The following TMEM106B variants were observed in gnomAD, a reference collection of about 807,000 sequenced individuals.
The protein encoded by TMEM106B is transmembrane protein 106B.
In TMEM106B, 15 loss-of-function variants were observed where a neutral mutation model predicts 31.1. The observed-to-expected ratio is 0.48, with a 90% CI of 0.32 to 0.74. TMEM106B has a LOEUF of 0.74. Among genes scored for constraint, TMEM106B ranks in the 30% least tolerant of loss-of-function variants. TMEM106B has a pLI of 0.03. For missense variants in TMEM106B, 283 were observed against 327.3 expected (o/e 0.86, Z 1.04); for synonymous variants, 126 against 112.5 (o/e 1.12, Z -0.76).
rs1000055928 is a variant in TMEM106B, at chr7:12,237,472, C to T, written c.*5497C>T. 6.6e-6 allele frequency: 1 copy of T among 152,034 alleles called. No homozygotes were observed. The highest frequency in any genetic ancestry group is 2.4e-5 in the African/African-American group (1 of 41,404). The allele number at this position is 152,034 out of a possible 1,614,324, so 9.4% of individuals were successfully genotyped here. The stretch of plus-strand genomic sequence containing the variant: ...TCTGTAATGTCTCTGGAATTTATCT[C>T]ATACGTGAAATTTCCCTTGATATTA... On this transcript the variant is annotated 3_prime_UTR_variant, in exon 8 of 8. Coordinates refer to ENST00000396668, the MANE Select transcript of TMEM106B (RefSeq NM_001134232.2).
intron 1 of TMEM106B, 114 bp from the exon 2 acceptor site, chr7:12,214,695 A>T: frequency 1.1e-6 from 1 of 923,302 alleles, no homozygotes; most frequent in Non-Finnish European, 1.6e-6. Context: ...CAAATATTTT[A>T]CAGAGTTTGA....
intron 3 of TMEM106B, among the ~76,000 whole-genome samples, chr7:12,221,357 G>C (rs1373326886): frequency 1.3e-5 from 2 of 152,034 alleles, no homozygotes; most frequent in Admixed American, 6.6e-5. Context: ...GCATTATTAG[G>C]AGTACCTTTG....
In TMEM106B at chr7:12,222,667, G is replaced by A. The variant is rs1241872861; in HGVS notation, c.282-1559G>A. Among the ~76,000 whole-genome samples the A allele has an allele frequency of 2.0e-5, 3 of 152,230 alleles. No homozygotes were observed. The East Asian group carries it at 5.8e-4, about 29-fold the overall frequency. ...ATTTCCTATTAGGTAATCCAGTGGG[G>A]ATCACTACCCCTACTCAGGTTGAGA... On this transcript the variant is annotated intron_variant, in intron 3 of 7. Transcript: ENST00000396668.
At position 12,229,802 on chromosome 7, in the gene TMEM106B, C is replaced by G. The variant is rs1781979525; in HGVS notation, c.565C>G (p.Pro189Ala). 1 of 1,603,464 alleles carries G rather than the reference C, an allele frequency of 6.2e-7. No homozygotes were observed. Among genetic ancestry groups the G allele is most frequent in the East Asian group, 2.2e-5 (1 of 44,752 alleles). Residue 189 changes from proline to alanine, a missense_variant, in exon 5 of 8, where the codon CCA becomes GCA. Physicochemically the swap from Pro to Ala is conservative, Grantham distance 27. Around this residue, in one of 3 missense-constraint regions of TMEM106B, gnomAD observed 201 missense variants for 211.5 expected, o/e 0.95. Transcript: ENST00000396668. ...ARLNNITIIG[P>A]LDMKQIDYTV... The stretch of plus-strand genomic sequence containing the variant: ...CTTAAACAACATAACCATTATTGGT[C>G]CACTTGATATGAAACAAGTAAGAAT...
intron 3 of TMEM106B, among the ~76,000 whole-genome samples, chr7:12,220,069 T>C (rs1781758691): frequency 6.6e-6 from 1 of 152,156 alleles, no homozygotes; most frequent in Admixed American, 6.5e-5. Flanking sequence ...GAAAATCAGA[T>C]TGACATGCTG....
At chr7:12,226,774 A>G (rs1304997029) in intron 4 of TMEM106B, among the ~76,000 whole-genome samples, 1 of 152,180 alleles carries the variant, frequency 6.6e-6, no homozygotes, top group African/African-American at 2.4e-5. Flanking sequence ...TTCTTTAAAA[A>G]CAACAATATA....
At chr7:12,211,686 C>T (rs1781579842) in intron 1 of TMEM106B, 1 of 152,586 alleles carries the variant, frequency 6.6e-6, no homozygotes, top group Non-Finnish European at 1.5e-5. Flanking sequence ...AGGTGGCCCT[C>T]TTCCTTTTGC....
intron 2 of TMEM106B, chr7:12,215,737 A>G (rs756817135): frequency 1.3e-4 from 29 of 214,840 alleles, no homozygotes; most frequent in African/African-American, 6.5e-4. Flanking sequence ...TTTTTAATTC[A>G]TTATCTAAAG....
At position 12,241,895 on chromosome 7, in the gene TMEM106B, A is replaced by T. The variant is rs888353502; in HGVS notation, c.*9920A>T. On this transcript the variant is annotated 3_prime_UTR_variant, in exon 8 of 8. Coordinates refer to ENST00000396668, the MANE Select transcript of TMEM106B (RefSeq NM_001134232.2). ...GTGTAAAAGCTTCCTATTTCTCTAC[A>T]TTCTCTCCAGCATCTGTTGTTTCCT... The T allele has an allele frequency of 2.0e-5, 3 of 152,080 alleles. No homozygotes were observed. The highest frequency in any genetic ancestry group is 1.3e-4 in the Admixed American group (2 of 15,252). 9.4% of individuals were successfully genotyped at this position (152,080 alleles called of 1,614,324 possible).
intron 6 of TMEM106B, chr7:12,230,757 C>T (rs1782005757): frequency 6.3e-6 from 2 of 318,372 alleles, no homozygotes; most frequent in East Asian, 5.8e-5. Context: ...TTTGAATAAG[C>T]GTAGATACAG....
At chr7:12,225,352 A>G (rs1781879653) in intron 4 of TMEM106B, among the ~76,000 whole-genome samples, 1 of 152,226 alleles carries the variant, frequency 6.6e-6, no homozygotes, top group Non-Finnish European at 1.5e-5. Context: ...TCTTTATAGC[A>G]GCATGATTTA....
chr7:12,217,705 C>T (rs1313523956), intron 2 of TMEM106B, among the ~76,000 whole-genome samples: 1 of 151,904 alleles, frequency 6.6e-6, no homozygotes, highest in Non-Finnish European at 1.5e-5. Flanking sequence ...TGGGGGAGCA[C>T]AGATGAGAGG....
chr7:12,231,804 T>C, intron 7 of TMEM106B, 33 bp from the exon 8 acceptor site: 2 of 1,553,136 alleles, frequency 1.3e-6, no homozygotes, highest in Non-Finnish European at 1.8e-6. Flanking sequence ...AATATAACTA[T>C]TAAATGTCTC....
intron 1 of TMEM106B, chr7:12,214,368 T>G (rs533749478): frequency 6.5e-6 from 1 of 153,904 alleles, no homozygotes; most frequent in East Asian, 1.9e-4. Context: ...CTACAAACAT[T>G]TCTTTCTGCT....
In TMEM106B at chr7:12,235,706, TC is replaced by T. The variant is rs1782118523; in HGVS notation, c.*3732del. The T allele has an allele frequency of 6.6e-6, 1 of 151,884 alleles. No individual in the cohort carries two copies. Among genetic ancestry groups the T allele is most frequent in the Non-Finnish European group, 1.5e-5 (1 of 67,842 alleles). The allele number at this position is 151,884 out of a possible 1,614,324, so 9.4% of individuals were successfully genotyped here. ...TTTTAAAGTTCTTAGAATAAACAGT[TC>T]TTTATATAATAATTATATTTTATTT... On this transcript the variant is annotated 3_prime_UTR_variant, in exon 8 of 8. Transcript: ENST00000396668.
chr7:12,225,129 G>C (rs1028332464), intron 4 of TMEM106B, among the ~76,000 whole-genome samples: 3 of 151,912 alleles, frequency 2.0e-5, no homozygotes, highest in Non-Finnish European at 4.4e-5. Flanking sequence ...TTGGTTTTCT[G>C]TCCTTGTGAT....
In TMEM106B at chr7:12,232,060, C is replaced by A; in HGVS notation, c.*85C>A. The stretch of plus-strand genomic sequence containing the variant: ...GAAGAGGTATTTCCTAATAGGAGAC[C>A]TTAAATTGAACAAACCTAAAGTTTA... On this transcript the variant is annotated 3_prime_UTR_variant, in exon 8 of 8. Transcript: ENST00000396668. The A allele has an allele frequency of 7.4e-7, 1 of 1,352,742 alleles. No homozygotes were observed. The highest frequency in any genetic ancestry group is 2.5e-5 in the East Asian group (1 of 40,376). The allele number at this position is 1,352,742 out of a possible 1,614,324, so 83.8% of individuals were successfully genotyped here.
In TMEM106B at chr7:12,234,026, C is replaced by G. The variant is rs181958387; in HGVS notation, c.*2051C>G. 2.1e-3 allele frequency: 314 copies of G among 151,780 alleles called. No individual in the cohort carries two copies. The highest frequency in any genetic ancestry group is 7.2e-3 in the African/African-American group (298 of 41,502). The allele number at this position is 151,780 out of a possible 1,614,324, so 9.4% of individuals were successfully genotyped here. A position where few individuals can be genotyped will look rare whatever the true frequency, so the allele number is the denominator to read the frequency against. ...AAAAAAAAAGTTATTTTATCATATC[C>G]TTTCTATTATGTTCCCATCCTGTCC... On this transcript the variant is annotated 3_prime_UTR_variant, in exon 8 of 8. Transcript: ENST00000396668.
chr7:12,213,656 G>C (rs1167785115), intron 1 of TMEM106B, among the ~76,000 whole-genome samples: 3 of 152,028 alleles, frequency 2.0e-5, no homozygotes, highest in Admixed American at 2.0e-4. Context: ...AGCATGATAG[G>C]ACATCATTTC....
Sources: gnomAD v4.1 joint callset for allele counts (sites outside exome capture counted in the v4.1 genomes callset) on GRCh38, gnomAD v4.1.1 for gene constraint, gnomAD v4.1.1 regional missense constraint, MANE v1.5 for transcripts, NCBI Gene and HGNC (gene_info 2026-07-23, HGNC 2026-07-21) for gene names.